Variants in GRIA1 observed in about 807,000 individuals in gnomAD.
GRIA1 encodes the protein glutamate receptor 1.
GRIA1 carries 31 observed loss-of-function variants against 99.2 expected under a neutral mutation model. The ratio of observed to expected loss-of-function variants is 0.31; its 90% confidence interval spans 0.23 to 0.42. The LOEUF (loss-of-function observed/expected upper bound fraction) is 0.42. GRIA1 is among the 10% of genes least tolerant of loss of function. The probability of loss-of-function intolerance (pLI) is 1.00; values close to 1 mark genes in which losing one functional copy is unlikely to be tolerated. For missense variants in GRIA1, 782 were observed against 1,157.5 expected (o/e 0.68, Z 4.71); for synonymous variants, 438 against 432.4 (o/e 1.01, Z -0.16).
At chr5:153,768,342 A>G (rs1458514062) in intron 12 of GRIA1, among the ~76,000 whole-genome samples, 2 of 152,160 alleles carry the variant, frequency 1.3e-5, no homozygotes, top group African/African-American at 4.8e-5. Flanking sequence ...CTTAAAGATT[A>G]TAATGCCCAA....
rs556949066 is a variant in GRIA1 at position 153,781,634 on chromosome 5, T to C, written c.2270+11219T>C. ...GAGCACATAATCAAATCAGTTGCTGTGCCTGGTCTGTCTGATTCATGGAGA... is the reference window on the plus strand; with the variant it reads ...GAGCACATAATCAAATCAGTTGCTGCGCCTGGTCTGTCTGATTCATGGAGA... On this transcript the variant is annotated intron_variant, in intron 13 of 15. Transcript: ENST00000285900. 1.1e-4 allele frequency among the ~76,000 whole-genome samples: 16 copies of C among 152,314 alleles called. 1 individual carries two copies. The highest frequency in any genetic ancestry group is 3.8e-4 in the African/African-American group (16 of 41,568).
rs1361870365 is a variant in GRIA1 at position 153,728,598 on chromosome 5, G to T, written c.1823+22531G>T. ...GGACATGAACAGACACTTCTCAAAA[G>T]AAGACATTTATGCAGCCAAAAGACA... On this transcript the variant is annotated intron_variant, in intron 11 of 15. Coordinates refer to ENST00000285900, the MANE Select transcript of GRIA1 (RefSeq NM_000827.4). 2.1e-5 allele frequency among the ~76,000 whole-genome samples: 2 copies of T among 94,546 alleles called. 1 individual carries two copies. The highest frequency in any genetic ancestry group is 4.0e-5 in the Non-Finnish European group (2 of 49,816). 62.0% of individuals were successfully genotyped at this position (94,546 alleles called of 152,430 possible).
intron 10 of GRIA1, among the ~76,000 whole-genome samples, chr5:153,701,534 T>A (rs1320526351): frequency 7.0e-6 from 1 of 142,214 alleles, no homozygotes; most frequent in Admixed American, 7.5e-5. Context: ...GGCAGGAGAA[T>A]GGCGTGAACC....
intron 4 of GRIA1, among the ~76,000 whole-genome samples, chr5:153,654,229 A>T (rs1250765577): frequency 6.6e-6 from 1 of 152,148 alleles, no homozygotes; most frequent in Non-Finnish European, 1.5e-5. Flanking sequence ...GGGAAGGTCA[A>T]TGTATAGGTT....
At chr5:153,698,796 A>T in intron 9 of GRIA1, 71 bp from the exon 10 acceptor site, 1 of 969,004 alleles carries the variant, frequency 1.0e-6, no homozygotes, top group South Asian at 1.3e-5. Flanking sequence ...ATATTATGCT[A>T]TGCCAAAGTC....
At chr5:153,541,642 C>A (rs1759103572) in intron 2 of GRIA1, among the ~76,000 whole-genome samples, 1 of 152,054 alleles carries the variant, frequency 6.6e-6, no homozygotes, top group South Asian at 2.1e-4. Context: ...CATTTAAGAC[C>A]AAGAAAAGGC....
intron 1 of GRIA1, among the ~76,000 whole-genome samples, chr5:153,492,945 G>A (rs1181202867): frequency 6.6e-6 from 1 of 152,226 alleles, no homozygotes; most frequent in African/African-American, 2.4e-5. Context: ...CAAGAAGTTA[G>A]AAGTGCATTA....
At chr5:153,676,041 T>C (rs990782333) in intron 6 of GRIA1, among the ~76,000 whole-genome samples, 15 of 152,062 alleles carry the variant, frequency 9.9e-5, no homozygotes, top group Non-Finnish European at 1.5e-4. Flanking sequence ...TATTTTTTAG[T>C]AGAGATGGGG....
chr5:153,546,418 A>T lies in GRIA1; in HGVS notation c.220+52353A>T, dbSNP rs80283283. ...TTACCTTACTTATCAGAAGATGCTA[A>T]AGTCATTCCCATAGGTTCTCCATGA... On this transcript the variant is annotated intron_variant, in intron 2 of 15. Transcript: ENST00000285900. Among the ~76,000 whole-genome samples the T allele has an allele frequency of 2.4e-3, 368 of 152,288 alleles. 11 individuals carry two copies. The East Asian group carries it at 0.05, about 21-fold the overall frequency.
chr5:153,701,574 T>A (rs1312053721), intron 10 of GRIA1, among the ~76,000 whole-genome samples: 2 of 125,848 alleles, frequency 1.6e-5, no homozygotes, highest in Non-Finnish European at 3.1e-5. Context: ...TGAGCCAAGA[T>A]GGTGCCGCTG....
intron 2 of GRIA1, among the ~76,000 whole-genome samples, chr5:153,611,201 T>C (rs890557875): frequency 6.6e-6 from 1 of 152,234 alleles, no homozygotes; most frequent in African/African-American, 2.4e-5. Context: ...GATGACCTGG[T>C]ACCAATTATT....
intron 2 of GRIA1, among the ~76,000 whole-genome samples, chr5:153,556,614 A>G (rs1760669634): frequency 6.6e-6 from 1 of 152,176 alleles, no homozygotes; most frequent in South Asian, 2.1e-4. Context: ...ACAATATTTT[A>G]TGTTCCTAGT....
At chr5:153,549,687 A>C in intron 2 of GRIA1, among the ~76,000 whole-genome samples, 1 of 152,176 alleles carries the variant, frequency 6.6e-6, no homozygotes, top group East Asian at 1.9e-4. Context: ...ATTTTCCAGG[A>C]AACTAATTGT....
chr5:153,806,582 C>T (rs1766443993), intron 15 of GRIA1, among the ~76,000 whole-genome samples: 1 of 152,126 alleles, frequency 6.6e-6, no homozygotes, highest in Non-Finnish European at 1.5e-5. Flanking sequence ...ACTCTTAAGG[C>T]CTTAACCCCC....
intron 13 of GRIA1, among the ~76,000 whole-genome samples, chr5:153,775,915 C>T (rs1158659026): frequency 6.8e-6 from 1 of 146,970 alleles, no homozygotes; most frequent in Non-Finnish European, 1.5e-5. Context: ...AAAAAAAAAA[C>T]ATGGGGCTTG....
intron 2 of GRIA1, among the ~76,000 whole-genome samples, chr5:153,530,400 A>G (rs1174290033): frequency 1.3e-5 from 2 of 152,238 alleles, no homozygotes; most frequent in Non-Finnish European, 2.9e-5. Flanking sequence ...CGGATCACCA[A>G]GGAGTCTAAC....
At position 153,539,441 on chromosome 5, in the gene GRIA1, G is replaced by A. The variant is rs576549779; in HGVS notation, c.220+45376G>A. 4.6e-5 allele frequency among the ~76,000 whole-genome samples: 7 copies of A among 152,324 alleles called. No individual in the cohort carries two copies. In the South Asian group the frequency reaches 1.2e-3, roughly 27 times the overall value. The stretch of plus-strand genomic sequence containing the variant: ...GCAGGAATAAAAGGAAATTTAAAAT[G>A]AATGTGCATACGCATTGTGAGTCTG... On this transcript the variant is annotated intron_variant, in intron 2 of 15. Transcript: ENST00000285900.
chr5:153,522,070 T>C (rs1757199736), intron 2 of GRIA1, among the ~76,000 whole-genome samples: 1 of 152,232 alleles, frequency 6.6e-6, no homozygotes, highest in African/African-American at 2.4e-5. Context: ...GTAATTATTG[T>C]GTTGGGAGCT....
chr5:153,726,820 G>T (rs1454454768), intron 11 of GRIA1, among the ~76,000 whole-genome samples: 1 of 152,186 alleles, frequency 6.6e-6, no homozygotes, highest in African/African-American at 2.4e-5. Flanking sequence ...AGGAGGAATT[G>T]GTACCATTCC....
Sources: gnomAD v4.1 joint callset for allele counts (sites outside exome capture counted in the v4.1 genomes callset) on GRCh38, gnomAD v4.1.1 for gene constraint, MANE v1.5 for transcripts, NCBI Gene and HGNC (gene_info 2026-07-23, HGNC 2026-07-21) for gene names.